ZP4: variants seen among roughly 807,000 people sequenced by gnomAD.
ZP4 encodes zona pellucida glycoprotein 4, also known as zona pellucida sperm-binding protein 4.
A neutral mutation model predicts 62.3 loss-of-function variants in ZP4; 62 were observed. That is an observed-to-expected ratio of 0.99 (90% CI 0.81 to 1.23). The LOEUF (loss-of-function observed/expected upper bound fraction) is 1.23, where lower values mean the gene tolerates loss of function less well. ZP4 is among the 50% of genes most tolerant of loss of function. ZP4 has a pLI of 0.00. For synonymous variants in ZP4, 289 were observed against 247.3 expected, an observed-to-expected ratio of 1.17 and a Z score of -1.58; for missense variants, 774 against 656.0, an observed-to-expected ratio of 1.18 and a Z score of -1.97.
rs779614581 is a variant in ZP4 at position 237,888,399 on chromosome 1, TAAC to T, written c.509_511del (p.Cys170del). 50 of 1,606,694 alleles carry T rather than the reference TAAC, an allele frequency of 3.1e-5. 1 individual carries two copies. The highest frequency in any genetic ancestry group is 2.7e-4 in the East Asian group (12 of 44,678). On this transcript the variant is annotated inframe_deletion, in exon 4 of 12. Transcript: ENST00000366570. ...GCAGGAATTCACCTCTTCAGAGCTA[TAAC>T]AACAGCCTAGCCCTTCACAGTCTCC... is the stretch of plus-strand genomic sequence containing the variant.
intron 5 of ZP4, 80 bp downstream of exon 5, chr1:237,887,294 C>A: frequency 6.6e-7 from 1 of 1,511,770 alleles, no homozygotes. Flanking sequence ...TCACGGCCAA[C>A]ATATTTCAGC....
chr1:237,882,561 A>T lies in ZP4; in HGVS notation c.1496-12T>A, dbSNP rs1664941696. 1.9e-6 allele frequency: 3 copies of T among 1,589,810 alleles called. No individual in the cohort carries two copies. Among genetic ancestry groups the T allele is most frequent in the African/African-American group, 1.4e-5 (1 of 73,190 alleles). On this transcript the variant is annotated splice_polypyrimidine_tract_variant and intron_variant, in intron 11 of 11. Coordinates refer to ENST00000366570, the MANE Select transcript of ZP4 (RefSeq NM_021186.5). ...GTCTACAGGAACACCTGGAGGATGG[A>T]TGGAAAGGTAGGTTAATGTATGCTA...
chr1:237,884,031 C>A (rs1286507771), intron 10 of ZP4, among the ~76,000 whole-genome samples: 4 of 100,702 alleles, frequency 4.0e-5, no homozygotes, highest in African/African-American at 1.5e-4. Context: ...CACACACACA[C>A]AAACACACAC....
At chr1:237,883,131 C>A (rs966001610) in intron 10 of ZP4, among the ~76,000 whole-genome samples, 4 of 152,192 alleles carry the variant, frequency 2.6e-5, no homozygotes, top group African/African-American at 9.6e-5. Flanking sequence ...ATTCAGAGAT[C>A]TTTCCCTGAA....
In ZP4 at chr1:237,890,815, G is replaced by A. The variant is rs1386723074; in HGVS notation, c.-180C>T. 5.0e-6 allele frequency: 3 copies of A among 603,754 alleles called. No homozygotes were observed. Among genetic ancestry groups the A allele is most frequent in the Non-Finnish European group, 8.3e-6 (3 of 360,514 alleles). 37.4% of individuals were successfully genotyped at this position (603,754 alleles called of 1,614,324 possible). A position where few individuals can be genotyped will look rare whatever the true frequency, so the allele number is the denominator to read the frequency against. On this transcript the variant is annotated 5_prime_UTR_variant, in exon 1 of 12. Coordinates refer to ENST00000366570, the MANE Select transcript of ZP4 (RefSeq NM_021186.5). ...AATTCCTCTAGCCTCATTTGCTTTGGGGCACAGTCTGCAGCTGCCTCACAT... is the reference window on the plus strand; with the variant it reads ...AATTCCTCTAGCCTCATTTGCTTTGAGGCACAGTCTGCAGCTGCCTCACAT...
rs928808705 is a variant in ZP4 at position 237,884,060 on chromosome 1, A to G, written c.1390+709T>C. ...CACACACAAACACACACAAACACAC[A>G]CAAACACACACAAACACACACAAAC... On this transcript the variant is annotated intron_variant, in intron 10 of 11. Coordinates refer to ENST00000366570, the MANE Select transcript of ZP4 (RefSeq NM_021186.5). Among the ~76,000 whole-genome samples, 3 of 142,382 alleles carry G rather than the reference A, an allele frequency of 2.1e-5. 1 individual carries two copies. Among genetic ancestry groups the G allele is most frequent in the African/African-American group, 8.6e-5 (3 of 35,050 alleles). 93.4% of individuals were successfully genotyped at this position (142,382 alleles called of 152,430 possible).
intron 3 of ZP4, 59 bp from the exon 4 acceptor site, chr1:237,888,569 A>G (rs1665164345): frequency 2.7e-6 from 4 of 1,506,114 alleles, no homozygotes; most frequent in Non-Finnish European, 3.6e-6. Flanking sequence ...CTTGAATACC[A>G]TTTTGATACA....
rs760923145 is a variant in ZP4, at chr1:237,885,221, T to C, written c.1255A>G (p.Ile419Val). 8.7e-5 allele frequency: 141 copies of C among 1,614,054 alleles called. No homozygotes were observed. Among genetic ancestry groups the C allele is most frequent in the Non-Finnish European group, 1.1e-4 (133 of 1,180,044 alleles). Residue 419 changes from isoleucine (I) to valine (V), a missense_variant, in exon 9 of 12, where the codon ATC becomes GTC. Transcript: ENST00000366570. ...GGGTTCACAAAGCTGAAGGTGAAGA[T>C]GCTGAAGCGCTGGTGGTGAGAGGGA... Reference protein sequence around the residue: ...PFPSHHQRFSIFTFSFVNPTV... With the variant: ...PFPSHHQRFSVFTFSFVNPTV...
chr1:237,889,013 C>T (rs1434999856), intron 3 of ZP4, among the ~76,000 whole-genome samples: 3 of 152,136 alleles, frequency 2.0e-5, no homozygotes, highest in Non-Finnish European at 2.9e-5. Flanking sequence ...ACTTTGAGGA[C>T]GGGCTCTCAG....
intron 10 of ZP4, among the ~76,000 whole-genome samples, chr1:237,883,427 GAC>G (rs199652927): frequency 0.018 from 2,703 of 151,298 alleles, 73 homozygotes; most frequent in African/African-American, 0.058. Flanking sequence ...AAAAAAATAA[GAC>G]AAAGGCCGGG....
Position 237,882,654 on chromosome 1 carries a change from G to A in ZP4, c.1495+88C>T, listed in dbSNP as rs147874094. 1.5e-5 allele frequency: 23 copies of A among 1,575,506 alleles called. No homozygotes were observed. The African/African-American group carries it at 2.6e-4, about 18-fold the overall frequency. ...TGCTATAGGAAGGTCAATTTCTTTT[G>A]ACTAGAACAAGAGGGATAGAAAGGA... On this transcript the variant is annotated intron_variant, in intron 11 of 11. Transcript: ENST00000366570.
Position 237,885,453 on chromosome 1 carries a change from C to T in ZP4, c.1098G>A (p.Gln366=), listed in dbSNP as rs372087745. The T allele has an allele frequency of 1.1e-5, 17 of 1,613,962 alleles. No individual in the cohort carries two copies. In the African/African-American group the frequency reaches 2.1e-4, roughly 20 times the overall value. ...GGTCAGTGCTGGGTGTTGCCCAACA[C>T]TGTTGTAGGAGCAGCCCCAGGTAGG... is the stretch of plus-strand genomic sequence containing the variant. ...TDPYLGLLLQ[Q]CWATPSTDPL... Residue 366 remains glutamine (Q), a synonymous_variant, in exon 8 of 12, where the codon CAG becomes CAA. Transcript: ENST00000366570.
rs886694982 is a variant in ZP4 at position 237,884,073 on chromosome 1, A to C, written c.1390+696T>G. Reference sequence around the variant, plus strand: ...ACACAAACACACACAAACACACACAAACACACACAAACACACACAAACAGT... The same window carrying C: ...ACACAAACACACACAAACACACACACACACACACAAACACACACAAACAGT... On this transcript the variant is annotated intron_variant, in intron 10 of 11. Coordinates refer to ENST00000366570, the MANE Select transcript of ZP4 (RefSeq NM_021186.5). Among the ~76,000 whole-genome samples, 801 of 143,856 alleles carry C rather than the reference A, an allele frequency of 5.6e-3. 21 individuals are homozygous for C. Among genetic ancestry groups the C allele is most frequent in the African/African-American group, 0.021 (759 of 35,750 alleles). 94.4% of individuals were successfully genotyped at this position (143,856 alleles called of 152,430 possible). A position where few individuals can be genotyped will look rare whatever the true frequency, so the allele number is the denominator to read the frequency against.
intron 5 of ZP4, 31 bp downstream of exon 5, chr1:237,887,343 C>T (rs780907566): frequency 1.2e-6 from 2 of 1,606,078 alleles, no homozygotes; most frequent in Admixed American, 1.7e-5. Flanking sequence ...CACCCAACTT[C>T]CAGAGCCAGG....
Position 237,889,674 on chromosome 1 carries a change from A to G in ZP4, c.400+193T>C, listed in dbSNP as rs148670258. On this transcript the variant is annotated intron_variant, in intron 3 of 11. Transcript: ENST00000366570. ...AAGGTAACACCTGAAGTGCTTACCCACAGTGCCTTGGCATTGAGGAGTCTC... is the reference window on the plus strand; with the variant it reads ...AAGGTAACACCTGAAGTGCTTACCCGCAGTGCCTTGGCATTGAGGAGTCTC... Among the ~76,000 whole-genome samples, 601 of 152,272 alleles carry G rather than the reference A, an allele frequency of 3.9e-3. 5 individuals are homozygous for G. The highest frequency in any genetic ancestry group is 0.014 in the African/African-American group (586 of 41,568).
intron 10 of ZP4, among the ~76,000 whole-genome samples, chr1:237,883,668 G>GA (rs1664977002): frequency 2.0e-4 from 1 of 5,090 alleles, no homozygotes; most frequent in African/African-American, 8.5e-4. Flanking sequence ...GAGGGCCGGG[G>GA]GAGGGCGGGG....
rs746357099 is a variant in ZP4, at chr1:237,890,641, T to C, written c.-6A>G. Reference sequence around the variant, plus strand: ...ACGCACCGCAGCAGCCACATAATGCTACCAGGAGTTCCTGCCGGCTGCAGA... The same window carrying C: ...ACGCACCGCAGCAGCCACATAATGCCACCAGGAGTTCCTGCCGGCTGCAGA... On this transcript the variant is annotated 5_prime_UTR_variant, in exon 1 of 12. Transcript: ENST00000366570. The C allele has an allele frequency of 1.4e-5, 22 of 1,609,682 alleles. 1 individual carries two copies. Among genetic ancestry groups the C allele is most frequent in the Middle Eastern group, 1.8e-4 (1 of 5,646 alleles).
In ZP4 at chr1:237,884,005, CACACACACACAAACACACACACACACAA is replaced by C. The variant is rs1558530940; in HGVS notation, c.1390+736_1390+763del. 5.4e-3 allele frequency among the ~76,000 whole-genome samples: 518 copies of C among 95,596 alleles called. 2 individuals carry two copies. Among genetic ancestry groups the C allele is most frequent in the Middle Eastern group, 0.017 (3 of 178 alleles). 62.7% of individuals were successfully genotyped at this position (95,596 alleles called of 152,430 possible). Reference sequence around the variant, plus strand: ...ACAAACACACACACACACACACACACACACACACACAAACACACACACACACAAACACACACAAACACACACAAACACA... The same window carrying C: ...ACAAACACACACACACACACACACACACACACACAAACACACACAAACACA... On this transcript the variant is annotated intron_variant, in intron 10 of 11. Transcript: ENST00000366570.
In ZP4 at chr1:237,887,438, A is replaced by G. The variant is rs755740399; in HGVS notation, c.677T>C (p.Val226Ala). The G allele has an allele frequency of 1.4e-5, 23 of 1,614,180 alleles. No individual in the cohort carries two copies. The South Asian group carries it at 2.4e-4, about 17-fold the overall frequency. Residue 226 changes from valine to alanine, a missense_variant, in exon 5 of 12, where the codon GTG becomes GCG. Physicochemically the swap from Val to Ala is moderately conservative, Grantham distance 64. Transcript: ENST00000366570. Reference sequence around the variant, plus strand: ...CAGAACAAAAGCTTGTGTTGCCATCACAGGGTTACACGCACTGTCATTCCT... The same window carrying G: ...CAGAACAAAAGCTTGTGTTGCCATCGCAGGGTTACACGCACTGTCATTCCT... ...ALRNDSACNP[V>A]MATQAFVLFQ... is the part of the protein sequence containing the mutation.
Sources: allele counts gnomAD v4.1 joint callset (sites outside exome capture counted in the v4.1 genomes callset), GRCh38; gene constraint gnomAD v4.1.1; transcripts MANE v1.5; gene names NCBI Gene and HGNC (gene_info 2026-07-23, HGNC 2026-07-21).